ERICH1: variants seen among roughly 807,000 people sequenced by gnomAD.
ERICH1 encodes the protein glutamate-rich protein 1.
Under a neutral mutation model 39.6 loss-of-function variants are expected in ERICH1, and 56 were observed. The observed-to-expected ratio is 1.41, with a 90% CI of 1.14 to 1.77. The LOEUF (loss-of-function observed/expected upper bound fraction) is 1.77. ERICH1 is among the 40% of genes most tolerant of loss of function. The pLI, the probability that ERICH1 is intolerant of heterozygous loss-of-function variation, is 0.00. For missense variants in ERICH1, 826 were observed against 575.4 expected, an observed-to-expected ratio of 1.44 and a Z score of -4.45; for synonymous variants, 313 against 223.6, an observed-to-expected ratio of 1.40 and a Z score of -3.57.
rs1472326526 is a variant in ERICH1 at position 731,143 on chromosome 8, G to C, written c.19C>G (p.His7Asp). The C allele has an allele frequency of 1.1e-5, 16 of 1,521,398 alleles. No homozygotes were observed. Among genetic ancestry groups the C allele is most frequent in the Non-Finnish European group, 1.2e-5 (14 of 1,137,268 alleles). 94.2% of individuals were successfully genotyped at this position (1,521,398 alleles called of 1,614,324 possible). Residue 7 changes from histidine to aspartate, a missense_variant, in exon 1 of 6, where the codon CAC becomes GAC. By Grantham distance (81) the His-to-Asp change is moderately conservative (BLOSUM62 -1). Coordinates refer to ENST00000262109, the MANE Select transcript of ERICH1 (RefSeq NM_207332.3). MAAHRK[H>D]VFVEKVLQRL... ...CCTCCGCACCGCACCCACCTACCGT[G>C]CTTCCTGTGCGCCGCCATGCGGGAC...
intron 3 of ERICH1, among the ~76,000 whole-genome samples, chr8:656,599 G>A (rs921416844): frequency 9.9e-5 from 15 of 152,196 alleles, no homozygotes; most frequent in African/African-American, 3.6e-4. Flanking sequence ...TTCGCATTGA[G>A]GCTGAAATCA....
chr8:704,541 G>C (rs1391077970), intron 2 of ERICH1, among the ~76,000 whole-genome samples: 2 of 152,130 alleles, frequency 1.3e-5, no homozygotes, highest in Non-Finnish European at 2.9e-5. Context: ...TTCACAAAAC[G>C]GAATAATCGT....
intron 3 of ERICH1, among the ~76,000 whole-genome samples, chr8:637,100 C>T (rs534153803): frequency 1.3e-5 from 2 of 152,238 alleles, no homozygotes; most frequent in Non-Finnish European, 2.9e-5. Flanking sequence ...TGAAGGCTAA[C>T]GACACGTTTC....
intron 5 of ERICH1, among the ~76,000 whole-genome samples, chr8:665,350 A>G (rs2131784774): frequency 6.6e-6 from 1 of 152,274 alleles, no homozygotes; most frequent in Middle Eastern, 3.4e-3. Flanking sequence ...CACCGGGCTC[A>G]CGGGTGGACA....
At chr8:626,757 C>T (rs1797614599) in intron 3 of ERICH1, 2 of 210,248 alleles carry the variant, frequency 9.5e-6, no homozygotes, top group Non-Finnish European at 2.0e-5. Context: ...CCCTGGACTC[C>T]TGTCCTGTCT....
intron 2 of ERICH1, among the ~76,000 whole-genome samples, chr8:715,068 C>G (rs538420431): frequency 2.1e-4 from 31 of 150,034 alleles, no homozygotes; most frequent in Middle Eastern, 3.6e-3. Flanking sequence ...ATGTGCCGCA[C>G]CCAGGTGGTC....
At chr8:685,479 G>T (rs1485413863) in intron 3 of ERICH1, among the ~76,000 whole-genome samples, 1 of 152,190 alleles carries the variant, frequency 6.6e-6, no homozygotes, top group Non-Finnish European at 1.5e-5. Context: ...AGAAGATGAT[G>T]GGATTAAGAG....
At chr8:653,247 C>T (rs946408286) in intron 3 of ERICH1, among the ~76,000 whole-genome samples, 11 of 152,218 alleles carry the variant, frequency 7.2e-5, no homozygotes, top group Admixed American at 2.0e-4. Flanking sequence ...TGTGCTAACA[C>T]GAACTAAATG....
At position 679,251 on chromosome 8, in the gene ERICH1, C is replaced by T. The variant is rs113152972; in HGVS notation, c.305-5204G>A. On this transcript the variant is annotated intron_variant, in intron 3 of 5. Transcript: ENST00000262109. ...TCCCAACTCACAGCTTCAGCTCCGA[C>T]CCCTCACAGCTTTGATCCCTCACAG... 6.4e-3 allele frequency among the ~76,000 whole-genome samples: 950 copies of T among 148,686 alleles called. 8 individuals carry two copies. The highest frequency in any genetic ancestry group is 0.022 in the African/African-American group (886 of 40,120).
intron 4 of ERICH1, among the ~76,000 whole-genome samples, chr8:670,701 C>G (rs1803105529): frequency 6.6e-6 from 1 of 152,184 alleles, no homozygotes; most frequent in South Asian, 2.1e-4. Flanking sequence ...CAGAATTGGG[C>G]AAAGGTTCTA....
intron 3 of ERICH1, among the ~76,000 whole-genome samples, chr8:681,463 G>A (rs1806099944): frequency 1.3e-5 from 2 of 152,262 alleles, no homozygotes; most frequent in Admixed American, 6.5e-5. Context: ...TTTCATATAT[G>A]AGATGGAGAA....
Position 668,658 on chromosome 8 carries a change from C to T in ERICH1, c.1198G>A (p.Asp400Asn). The T allele has an allele frequency of 1.7e-5, 28 of 1,614,178 alleles. No individual in the cohort carries two copies. The highest frequency in any genetic ancestry group is 2.3e-5 in the Non-Finnish European group (27 of 1,180,042). The change falls in exon 5 of 6, where the codon GAT becomes AAT. Residue 400 changes from aspartate to asparagine, a missense_variant. Physicochemically the swap from Asp to Asn is conservative, Grantham distance 23. Coordinates refer to ENST00000262109, the MANE Select transcript of ERICH1 (RefSeq NM_207332.3). ...AGAGCATGCTTCAATCTCTCAGTAT[C>T]TTGCAGGAGCAGCAGCGTTTTCATG... Reference protein sequence around the residue: ...YHMKTLLLLQDTERLKHALEM... With the variant: ...YHMKTLLLLQNTERLKHALEM...
chr8:622,527 C>G (rs1584936777), intron 3 of ERICH1, among the ~76,000 whole-genome samples: 1 of 152,138 alleles, frequency 6.6e-6, no homozygotes, highest in East Asian at 1.9e-4. Context: ...CTTGGACTGT[C>G]CAGCCTCCAG....
At chr8:722,893 G>C (rs1473201830) in intron 1 of ERICH1, among the ~76,000 whole-genome samples, 1 of 152,190 alleles carries the variant, frequency 6.6e-6, no homozygotes, top group East Asian at 1.9e-4. Flanking sequence ...TAAAATAAGA[G>C]AGACCACAAA....
chr8:693,190 CAACA>C (rs1026101541), intron 2 of ERICH1, among the ~76,000 whole-genome samples: 23 of 151,912 alleles, frequency 1.5e-4, no homozygotes, highest in African/African-American at 5.3e-4. Flanking sequence ...CACACAGGGA[CAACA>C]AACACACACA....
chr8:687,782 T>C (rs868243068), intron 3 of ERICH1, among the ~76,000 whole-genome samples: 1 of 151,652 alleles, frequency 6.6e-6, no homozygotes, highest in Non-Finnish European at 1.5e-5. Flanking sequence ...GAGGCCGTAG[T>C]AGGTGGAATA....
chr8:657,021 G>A (rs919927628), intron 3 of ERICH1, among the ~76,000 whole-genome samples: 1 of 152,186 alleles, frequency 6.6e-6, no homozygotes, highest in Non-Finnish European at 1.5e-5. Flanking sequence ...TGGGGAAGAG[G>A]GGAGTAAGTT....
intron 2 of ERICH1, among the ~76,000 whole-genome samples, chr8:699,554 A>C (rs549090874): frequency 6.6e-6 from 1 of 152,002 alleles, no homozygotes; most frequent in Non-Finnish European, 1.5e-5. Flanking sequence ...TCACAAAAGC[A>C]GGCGTTCCAG....
At chr8:624,209 G>C (rs1252148655) in intron 3 of ERICH1, among the ~76,000 whole-genome samples, 1 of 152,180 alleles carries the variant, frequency 6.6e-6, no homozygotes, top group Non-Finnish European at 1.5e-5. Context: ...GCTCAAACCT[G>C]TGAGGATGGC....
Sources: gnomAD v4.1 joint callset for allele counts (sites outside exome capture counted in the v4.1 genomes callset) on GRCh38, gnomAD v4.1.1 for gene constraint, MANE v1.5 for transcripts, NCBI Gene and HGNC (gene_info 2026-07-23, HGNC 2026-07-21) for gene names.